The following NRG1 variants were observed in gnomAD, a reference collection of about 807,000 sequenced individuals.
NRG1 encodes the protein neuregulin 1.
Under a neutral mutation model 63.8 loss-of-function variants are expected in NRG1, and 18 were observed. The observed-to-expected ratio is 0.28, with a 90% confidence interval of 0.19 to 0.42. The LOEUF (loss-of-function observed/expected upper bound fraction) is 0.42. NRG1 is among the 10% of genes least tolerant of loss of function. The pLI is 1.00. For missense variants in NRG1, 762 were observed against 814.7 expected (o/e 0.94, Z 0.79); for synonymous variants, 302 against 301.3 (o/e 1.00, Z -0.02).
chr8:32,430,789 T>G (rs1221631550), intron 1 of NRG1, among the ~76,000 whole-genome samples: 6 of 32,646 alleles, frequency 1.8e-4, no homozygotes, highest in Non-Finnish European at 3.5e-4. Flanking sequence ...TGGTTTGGGT[T>G]TTTTTTTTTT....
At chr8:32,578,703 C>T (rs573554894) in intron 1 of NRG1, among the ~76,000 whole-genome samples, 60 of 152,218 alleles carry the variant, frequency 3.9e-4, no homozygotes, top group African/African-American at 1.4e-3. Context: ...ATGATTTCCC[C>T]CATTGCAAAT....
chr8:32,008,120 T>C (rs1814087406), intron 1 of NRG1, among the ~76,000 whole-genome samples: 1 of 152,056 alleles, frequency 6.6e-6, no homozygotes, highest in Non-Finnish European at 1.5e-5. Context: ...GTTGATGTAG[T>C]CTTCTGAAGC....
chr8:31,676,808 C>A (rs898787675), intron 1 of NRG1, among the ~76,000 whole-genome samples: 9 of 152,208 alleles, frequency 5.9e-5, no homozygotes, highest in African/African-American at 1.4e-4. Flanking sequence ...CCTCTCTAGA[C>A]TTTAATTTCC....
chr8:32,020,909 C>T (rs1244408176), intron 1 of NRG1, among the ~76,000 whole-genome samples: 2 of 152,120 alleles, frequency 1.3e-5, no homozygotes, highest in Non-Finnish European at 2.9e-5. Flanking sequence ...TTCTACTCTA[C>T]ACTATGAACA....
intron 1 of NRG1, among the ~76,000 whole-genome samples, chr8:31,837,535 G>A (rs997626888): frequency 3.3e-5 from 5 of 151,748 alleles, no homozygotes; most frequent in African/African-American, 1.2e-4. Flanking sequence ...CTCTCTTCTG[G>A]CTGCTTGTTG....
At chr8:31,956,333 AT>A (rs564516094) in intron 1 of NRG1, among the ~76,000 whole-genome samples, 56 of 152,290 alleles carry the variant, frequency 3.7e-4, no homozygotes, top group African/African-American at 1.3e-3. Context: ...GCTAACTTTC[AT>A]TAAGAGTCTT....
At chr8:32,034,271 G>C (rs1302987018) in intron 1 of NRG1, among the ~76,000 whole-genome samples, 2 of 152,146 alleles carry the variant, frequency 1.3e-5, no homozygotes, top group Non-Finnish European at 2.9e-5. Flanking sequence ...TGCATATGTT[G>C]AACAAGCCTT....
At chr8:31,907,950 T>C (rs1166864112) in intron 1 of NRG1, among the ~76,000 whole-genome samples, 1 of 152,174 alleles carries the variant, frequency 6.6e-6, no homozygotes, top group African/African-American at 2.4e-5. Flanking sequence ...TCAACTAATG[T>C]CTGTTAATTT....
intron 1 of NRG1, among the ~76,000 whole-genome samples, chr8:32,303,754 A>G (rs1855895327): frequency 6.6e-6 from 1 of 152,216 alleles, no homozygotes; most frequent in Non-Finnish European, 1.5e-5. Flanking sequence ...TTCAGTTAAT[A>G]TTTAGCCTAC....
At chr8:32,308,127 C>A (rs1440222179) in intron 1 of NRG1, among the ~76,000 whole-genome samples, 2 of 152,148 alleles carry the variant, frequency 1.3e-5, no homozygotes, top group Admixed American at 6.6e-5. Context: ...TTGGGTTTGA[C>A]TTTTTCCAGT....
rs192006347 is a variant in NRG1, at chr8:31,979,628, T to C, written c.37+340197T>C. Among the ~76,000 whole-genome samples the C allele has an allele frequency of 2.2e-3, 331 of 152,252 alleles. 2 individuals carry two copies. The highest frequency in any genetic ancestry group is 7.5e-3 in the Admixed American group (114 of 15,272). ...TTCTGGCAATTGCACTGAAATTGTATACTGCTCTTCAATTAATGATTATCT... is the reference window on the plus strand; with the variant it reads ...TTCTGGCAATTGCACTGAAATTGTACACTGCTCTTCAATTAATGATTATCT... On this transcript the variant is annotated intron_variant, in intron 1 of 10. Coordinates refer to the NRG1 transcript ENST00000519301.
chr8:32,749,637 T>C (rs1448940731), intron 7 of NRG1: 2 of 1,577,516 alleles, frequency 1.3e-6, no homozygotes, highest in Non-Finnish European at 1.7e-6. Context: ...GCCTATGAGC[T>C]GAAATCTTTT....
At chr8:32,241,939 A>C (rs1401090341) in intron 1 of NRG1, among the ~76,000 whole-genome samples, 1 of 151,946 alleles carries the variant, frequency 6.6e-6, no homozygotes, top group East Asian at 1.9e-4. Flanking sequence ...TTTTTTGTAG[A>C]GACAAGTCTT....
At chr8:32,319,473 G>A (rs1006167713) in intron 1 of NRG1, among the ~76,000 whole-genome samples, 1 of 152,118 alleles carries the variant, frequency 6.6e-6, no homozygotes, top group Non-Finnish European at 1.5e-5. Flanking sequence ...GAGGGAACCT[G>A]CAAAGATCTA....
Position 32,750,337 on chromosome 8 carries a change from A to AT in NRG1, c.692-4032dup, listed in dbSNP as rs1301984553. On this transcript the variant is annotated intron_variant, in intron 7 of 11. Coordinates refer to ENST00000356819, the Ensembl canonical transcript of NRG1. ...AAAGAAAAATATATGAGTATACAAA[A>AT]TTTGGACACACTTTTTTGTAAGGCC... 2.0e-5 allele frequency among the ~76,000 whole-genome samples: 3 copies of AT among 152,196 alleles called. No homozygotes were observed. The East Asian group carries it at 5.8e-4, about 29-fold the overall frequency.
chr8:32,117,484 C>G (rs192146304), intron 1 of NRG1, among the ~76,000 whole-genome samples: 73 of 152,060 alleles, frequency 4.8e-4, no homozygotes, highest in African/African-American at 1.7e-3. Flanking sequence ...CCCCCATTAA[C>G]ATAAGGGTAG....
At chr8:31,797,419 G>C (rs577393345) in intron 1 of NRG1, among the ~76,000 whole-genome samples, 1 of 152,198 alleles carries the variant, frequency 6.6e-6, no homozygotes, top group East Asian at 1.9e-4. Flanking sequence ...GCAATACCTT[G>C]TTTTTCTACT....
At chr8:32,628,038 C>T (rs769823540) in intron 5 of NRG1, among the ~76,000 whole-genome samples, 11 of 152,180 alleles carry the variant, frequency 7.2e-5, no homozygotes, top group Non-Finnish European at 1.5e-4. Flanking sequence ...AAATCCATTT[C>T]TTTCACAAAT....
At chr8:32,721,006 C>T (rs140301509) in intron 5 of NRG1, among the ~76,000 whole-genome samples, 129 of 152,246 alleles carry the variant, frequency 8.5e-4, no homozygotes, top group Admixed American at 1.6e-3. Context: ...AGGAGAAACA[C>T]CCAAAGGTCA....
Sources: gnomAD v4.1 joint callset for allele counts (sites outside exome capture counted in the v4.1 genomes callset) on GRCh38, gnomAD v4.1.1 for gene constraint, MANE v1.5 for transcripts, NCBI Gene and HGNC (gene_info 2026-07-23, HGNC 2026-07-21) for gene names.